NSD2: variants seen among roughly 807,000 people sequenced by gnomAD.
NSD2 encodes the protein nuclear receptor binding SET domain protein 2, also known as histone-lysine N-methyltransferase NSD2.
In NSD2, 12 loss-of-function variants were observed where a neutral mutation model predicts 139.0. The ratio of observed to expected loss-of-function variants is 0.09; its 90% confidence interval spans 0.06 to 0.14. The LOEUF (loss-of-function observed/expected upper bound fraction) is 0.14, where lower values mean the gene tolerates loss of function less well. Among genes scored for constraint, NSD2 ranks in the 10% least tolerant of loss-of-function variants. NSD2 has a pLI of 1.00. For synonymous variants in NSD2, 669 were observed against 648.7 expected (o/e 1.03, Z -0.48); for missense variants, 1,155 against 1,745.0 (o/e 0.66, Z 6.02).
chr4:1,884,767 T>C (rs972977364), intron 1 of NSD2, among the ~76,000 whole-genome samples: 3 of 152,200 alleles, frequency 2.0e-5, no homozygotes, highest in Non-Finnish European at 4.4e-5. Flanking sequence ...AACAGTTTAT[T>C]GGGTTCTTTT....
chr4:1,957,628 C>T (rs573971978), intron 15 of NSD2, among the ~76,000 whole-genome samples: 2 of 152,196 alleles, frequency 1.3e-5, no homozygotes, highest in East Asian at 3.9e-4. Context: ...CAGCAAGTCC[C>T]AGGCTTTGAC....
chr4:1,978,369 C>T (rs1380175758), intron 21 of NSD2, among the ~76,000 whole-genome samples: 1 of 152,148 alleles, frequency 6.6e-6, no homozygotes, highest in Non-Finnish European at 1.5e-5. Context: ...GACACTCCTG[C>T]ACCCGGCACA....
chr4:1,904,234 T>C lies in NSD2; in HGVS notation c.616T>C (p.Ser206Pro). ...SDKKIPAKKE[S>P]CPNTGRDKDH... Reference sequence around the variant, plus strand: ...TTTTCAGATTCCAGCTAAGAAAGAGTCTTGTCCAAACACTGGAAGAGACAA... The same window carrying C: ...TTTTCAGATTCCAGCTAAGAAAGAGCCTTGTCCAAACACTGGAAGAGACAA... Residue 206 changes from serine to proline, a missense_variant, in exon 3 of 22, where the codon TCT (serine) becomes CCT (proline). Coordinates refer to ENST00000508803, the MANE Select transcript of NSD2 (RefSeq NM_001042424.3). 1 of 1,613,334 alleles carries C rather than the reference T, an allele frequency of 6.2e-7. No individual in the cohort carries two copies. Among genetic ancestry groups the C allele is most frequent in the Non-Finnish European group, 8.5e-7 (1 of 1,179,634 alleles).
intron 15 of NSD2, among the ~76,000 whole-genome samples, chr4:1,957,450 ATTTT>A (rs57804419): frequency 2.2e-5 from 3 of 135,620 alleles, no homozygotes; most frequent in South Asian, 4.7e-4. Flanking sequence ...TGCCTGGCTA[ATTTT>A]TTTTTTTTTT....
Position 1,918,377 on chromosome 4 carries a change from G to C in NSD2, c.1164G>C (p.Lys388Asn), listed in dbSNP as rs753512534. ...GVSEEAAENP[K>N]SVREECIPMK... ...GTGAAGAAGCTGCTGAAAACCCCAA[G>C]TCTGTGAGAGAAGAGTGCATTCCCA... is the stretch of plus-strand genomic sequence containing the variant. The change falls in exon 5 of 22, where the codon AAG becomes AAC. Residue 388 changes from lysine to asparagine, a missense_variant. This residue lies in a region of NSD2 where 420 missense variants were observed against 469.0 expected (regional missense o/e 0.90). Coordinates refer to ENST00000508803, the MANE Select transcript of NSD2 (RefSeq NM_001042424.3). The C allele has an allele frequency of 3.7e-6, 6 of 1,614,132 alleles. No homozygotes were observed. Among genetic ancestry groups the C allele is most frequent in the Admixed American group, 1.7e-5 (1 of 60,006 alleles).
At chr4:1,947,776 T>G in intron 9 of NSD2, 2 of 1,048,786 alleles carry the variant, frequency 1.9e-6, no homozygotes, top group Non-Finnish European at 2.3e-6. Flanking sequence ...TATAGAAATA[T>G]TTATTGTTCA....
At position 1,976,301 on chromosome 4, in the gene NSD2, G is replaced by A. The variant is rs1463896162; in HGVS notation, c.3622-174G>A. 1 of 675,872 alleles carries A rather than the reference G, an allele frequency of 1.5e-6. No individual in the cohort carries two copies. The highest frequency in any genetic ancestry group is 2.5e-6 in the Non-Finnish European group (1 of 397,404). The allele number at this position is 675,872 out of a possible 1,614,324, so 41.9% of individuals were successfully genotyped here. A position where few individuals can be genotyped will look rare whatever the true frequency, so the allele number is the denominator to read the frequency against. On this transcript the variant is annotated intron_variant, in intron 20 of 21. Transcript: ENST00000508803. The surrounding 1 kb of genome is among the most constrained non-coding windows in gnomAD (Gnocchi z 5.3). Reference sequence around the variant, plus strand: ...TTGTTCAGCTTTTTCACGCTGAGTCGAGTGAGTCTAAGGATGTCTGGGGAG... The same window carrying A: ...TTGTTCAGCTTTTTCACGCTGAGTCAAGTGAGTCTAAGGATGTCTGGGGAG...
At chr4:1,918,680 T>G in intron 5 of NSD2, 57 bp downstream of exon 5, 1 of 1,594,168 alleles carries the variant, frequency 6.3e-7, no homozygotes, top group Non-Finnish European at 8.6e-7. Flanking sequence ...GAACATCCCT[T>G]CAGTGCAGAA....
chr4:1,894,500 C>A (rs1223260202), intron 1 of NSD2, among the ~76,000 whole-genome samples: 1 of 151,760 alleles, frequency 6.6e-6, no homozygotes, highest in African/African-American at 2.4e-5. Flanking sequence ...TGGTGAAACC[C>A]CGTCTCTACA....
Position 1,948,415 on chromosome 4 carries a change from C to T in NSD2, c.1882-2657C>T, listed in dbSNP as rs990238165. The stretch of plus-strand genomic sequence containing the variant: ...TCCGAGTGAGTCACGTCACCTGGTG[C>T]GTGGAGGTGGAGCCTGCGGCTGGAG... On this transcript the variant is annotated intron_variant, in intron 9 of 21. Coordinates refer to ENST00000508803, the MANE Select transcript of NSD2 (RefSeq NM_001042424.3). This position sits in a 1 kb window ranked among gnomAD's most constrained non-coding sequence, Gnocchi z 4.5. 2.3e-5 allele frequency: 24 copies of T among 1,066,218 alleles called. No individual in the cohort carries two copies. Among genetic ancestry groups the T allele is most frequent in the African/African-American group, 4.9e-5 (3 of 61,114 alleles). The allele number at this position is 1,066,218 out of a possible 1,614,324, so 66.0% of individuals were successfully genotyped here.
intron 11 of NSD2, 54 bp from the exon 12 acceptor site, chr4:1,953,270 T>G: frequency 6.2e-7 from 1 of 1,614,108 alleles, no homozygotes; most frequent in South Asian, 1.1e-5. Flanking sequence ...GAACTGCAAT[T>G]TAATTCTTGT....
chr4:1,951,355 T>C, intron 10 of NSD2, 152 bp downstream of exon 10: 1 of 1,086,968 alleles, frequency 9.2e-7, no homozygotes, highest in Non-Finnish European at 1.3e-6. Flanking sequence ...GGGGTCAGAC[T>C]GACTCTCAGT....
chr4:1,932,628 C>T (rs914412994), intron 6 of NSD2, among the ~76,000 whole-genome samples: 1 of 152,092 alleles, frequency 6.6e-6, no homozygotes, highest in Non-Finnish European at 1.5e-5. Flanking sequence ...TGCCTGTAAT[C>T]CCAGCTACTT....
rs576867005 is a variant in NSD2, at chr4:1,955,896, G to A, written c.2675+47G>A. The A allele has an allele frequency of 2.5e-6, 4 of 1,610,316 alleles. No individual in the cohort carries two copies. In the African/African-American group the frequency reaches 4.0e-5, roughly 16 times the overall value. On this transcript the variant is annotated intron_variant, in intron 14 of 21. Coordinates refer to ENST00000508803, the MANE Select transcript of NSD2 (RefSeq NM_001042424.3). The surrounding 1 kb of genome is among the most constrained non-coding windows in gnomAD (Gnocchi z 4.7). ...GCTTTTATGTCTTTTCTGTTCACAT[G>A]TGTTCGCTTTACAGTACTTAAAGTA... is the stretch of plus-strand genomic sequence containing the variant.
intron 21 of NSD2, among the ~76,000 whole-genome samples, chr4:1,977,219 G>A (rs1240987058): frequency 2.0e-5 from 3 of 152,260 alleles, no homozygotes; most frequent in Non-Finnish European, 4.4e-5. Context: ...CTCTGTTTGA[G>A]GGAAAGTAGA....
chr4:1,937,980 A>G (rs985946257), intron 7 of NSD2, among the ~76,000 whole-genome samples: 29 of 152,170 alleles, frequency 1.9e-4, no homozygotes, highest in African/African-American at 7.0e-4. Flanking sequence ...GATACTAGTA[A>G]TGTTGGTCCT....
rs759358068 is a variant in NSD2 at position 1,953,537 on chromosome 4, C to T, written c.2338+13C>T. The T allele has an allele frequency of 6.3e-7, 1 of 1,592,298 alleles. No homozygotes were observed. The highest frequency in any genetic ancestry group is 8.5e-7 in the Non-Finnish European group (1 of 1,170,422). ...AGGCCGTCAAAAGGTACAGGTGCAC[C>T]TGCGCAGCCTTGCTGTGGGTTCAGA... On this transcript the variant is annotated intron_variant, in intron 12 of 21. Transcript: ENST00000508803.
intron 18 of NSD2, among the ~76,000 whole-genome samples, chr4:1,967,409 C>T (rs938367180): frequency 1.3e-5 from 2 of 152,054 alleles, no homozygotes; most frequent in African/African-American, 4.8e-5. Context: ...GAAACCCTGT[C>T]TCTACTAAAA....
chr4:1,904,135 A>G, intron 2 of NSD2, 81 bp from the exon 3 acceptor site: 1 of 1,483,176 alleles, frequency 6.7e-7, no homozygotes. Context: ...TGGACATTGT[A>G]GCCTGGTGAA....
Sources: allele counts gnomAD v4.1 joint callset (sites outside exome capture counted in the v4.1 genomes callset), GRCh38; gene constraint gnomAD v4.1.1; regional missense constraint gnomAD v4.1.1; non-coding constraint Gnocchi (gnomAD v3.1); transcripts MANE v1.5; gene names NCBI Gene and HGNC (gene_info 2026-07-23, HGNC 2026-07-21).